Variants in HDAC7 observed in about 807,000 individuals in gnomAD.
HDAC7 encodes histone deacetylase 7A.
In HDAC7, 26 loss-of-function variants were observed where a neutral mutation model predicts 115.5. The observed-to-expected ratio is 0.23, with a 90% CI of 0.16 to 0.31. The LOEUF (loss-of-function observed/expected upper bound fraction) is 0.31, where lower values mean the gene tolerates loss of function less well. Among genes scored for constraint, HDAC7 ranks in the 10% least tolerant of loss-of-function variants. The pLI, the probability that HDAC7 is intolerant of heterozygous loss-of-function variation, is 1.00. For synonymous variants in HDAC7, 564 were observed against 550.9 expected, an observed-to-expected ratio of 1.02 and a Z score of -0.33; for missense variants, 1,068 against 1,329.0, an observed-to-expected ratio of 0.80 and a Z score of 3.05.
At position 47,795,755 on chromosome 12, in the gene HDAC7, GGTCACT is replaced by G. The variant is rs1943789747; in HGVS notation, c.913_918del (p.Ser305_Asp306del). On this transcript the variant is annotated inframe_deletion, in exon 10 of 26. Transcript: ENST00000080059. The surrounding 1 kb of genome is among the most constrained non-coding windows in gnomAD (Gnocchi z 4.3). ...GGGCCCAGAGTCGGATGGGTCCTGC[GGTCACT>G]GTCAGCCTGGGGGAGAGGCGGGAGA... 1 of 1,536,196 alleles carries G rather than the reference GGTCACT, an allele frequency of 6.5e-7. No homozygotes were observed. The highest frequency in any genetic ancestry group is 1.4e-5 in the African/African-American group (1 of 72,748).
At chr12:47,785,336 C>A in intron 24 of HDAC7, 51 bp downstream of exon 24, 1 of 1,495,938 alleles carries the variant, frequency 6.7e-7, no homozygotes, top group Admixed American at 2.0e-5. Flanking sequence ...GGCAGGGTAC[C>A]ACCAAGATCC....
At chr12:47,808,319 C>T (rs1411277548) in intron 1 of HDAC7, among the ~76,000 whole-genome samples, 1 of 151,968 alleles carries the variant, frequency 6.6e-6, no homozygotes, top group Non-Finnish European at 1.5e-5. Context: ...GCCAGTGTCG[C>T]CCCCCCACCC....
chr12:47,790,273 C>T (rs956247921), intron 16 of HDAC7: 14 of 277,508 alleles, frequency 5.0e-5, no homozygotes, highest in African/African-American at 2.2e-4. Flanking sequence ...TCAGGCCCTG[C>T]GGGACGGTCG....
At chr12:47,789,415 G>T in intron 18 of HDAC7, 67 bp from the exon 19 acceptor site, 1 of 1,578,720 alleles carries the variant, frequency 6.3e-7, no homozygotes. Flanking sequence ...AGGCCCCTGG[G>T]TTGGCCCAGC....
At chr12:47,819,308 G>A (rs1362659741) in intron 1 of HDAC7, 1 of 152,472 alleles carries the variant, frequency 6.6e-6, no homozygotes, top group Non-Finnish European at 1.5e-5. Flanking sequence ...CCAACTCAGT[G>A]GGTCCTGCCC....
At chr12:47,792,906 A>T (rs149125192) in intron 13 of HDAC7, 1 of 323,880 alleles carries the variant, frequency 3.1e-6, no homozygotes, top group Non-Finnish European at 6.1e-6. Flanking sequence ...GTACATGTAC[A>T]TATGGCCAGA....
intron 1 of HDAC7, chr12:47,817,699 C>T (rs1944888162): frequency 6.6e-6 from 1 of 152,284 alleles, no homozygotes; most frequent in African/African-American, 2.4e-5. Flanking sequence ...CTTGCATTAG[C>T]TCACCTTCTC....
chr12:47,786,124 G>T, intron 22 of HDAC7: 1 of 508,786 alleles, frequency 2.0e-6, no homozygotes, highest in African/African-American at 2.0e-5. Context: ...TGGCAGCAAG[G>T]TAGGACCTGA....
At position 47,796,270 on chromosome 12, in the gene HDAC7, G is replaced by A. The variant is rs143116152; in HGVS notation, c.732C>T (p.Pro244=). The change falls in exon 8 of 26, where the codon CCC becomes CCT. Residue 244 remains proline (P), a synonymous_variant. Transcript: ENST00000080059. ...CATTGGGGGAGCTGCACCCTGATGC[G>A]GGCGTGCTGCTACTACTTGGGGAGG... ...GDSSPSSSST[P]ASGCSSPNDS... 8.8e-6 allele frequency: 14 copies of A among 1,597,544 alleles called. No individual in the cohort carries two copies. Among genetic ancestry groups the A allele is most frequent in the Middle Eastern group, 1.7e-4 (1 of 5,988 alleles).
chr12:47,797,514 C>A lies in HDAC7; in HGVS notation c.462-15G>T. The A allele has an allele frequency of 1.3e-6, 2 of 1,588,914 alleles. No individual in the cohort carries two copies. Among genetic ancestry groups the A allele is most frequent in the Non-Finnish European group, 1.7e-6 (2 of 1,162,686 alleles). On this transcript the variant is annotated splice_polypyrimidine_tract_variant and intron_variant, in intron 5 of 25. Coordinates refer to ENST00000080059, the MANE Select transcript of HDAC7 (RefSeq NM_015401.5). The surrounding 1 kb of genome is among the most constrained non-coding windows in gnomAD (Gnocchi z 5.5). ...GCTCCAGGGTTCTACAGAACGAGTG[C>A]CAAGGCTGCTTCAGAGGTGTGGGGA...
chr12:47,814,525 A>C (rs973670706), intron 1 of HDAC7, among the ~76,000 whole-genome samples: 2 of 152,220 alleles, frequency 1.3e-5, no homozygotes, highest in Non-Finnish European at 2.9e-5. Flanking sequence ...CAGTATGGCC[A>C]CAGGGCCCTG....
intron 1 of HDAC7, among the ~76,000 whole-genome samples, chr12:47,807,442 C>T (rs985617014): frequency 6.6e-6 from 1 of 152,086 alleles, no homozygotes; most frequent in African/African-American, 2.4e-5. Context: ...TACGCTGAGG[C>T]CCAGCAGTAT....
intron 19 of HDAC7, chr12:47,788,933 TTA>T: frequency 3.2e-6 from 1 of 308,960 alleles, no homozygotes; most frequent in Non-Finnish European, 6.1e-6. Flanking sequence ...TTATCTGCTA[TTA>T]TTCTTATCAT....
At chr12:47,791,802 C>T in intron 14 of HDAC7, 69 bp downstream of exon 14, 1 of 1,286,786 alleles carries the variant, frequency 7.8e-7, no homozygotes, top group East Asian at 2.7e-5. Context: ...GGCCCCAGGG[C>T]CCCCCACCCC....
intron 1 of HDAC7, among the ~76,000 whole-genome samples, chr12:47,812,241 T>C (rs1195852443): frequency 6.6e-6 from 1 of 152,194 alleles, no homozygotes; most frequent in Non-Finnish European, 1.5e-5. Context: ...GTCCACCCTA[T>C]GACTTCTGGC....
At chr12:47,809,090 G>C (rs576404010) in intron 1 of HDAC7, among the ~76,000 whole-genome samples, 1 of 152,292 alleles carries the variant, frequency 6.6e-6, no homozygotes, top group East Asian at 1.9e-4. Context: ...ACTTAGACCA[G>C]TTGCTCCTTT....
rs1217546692 is a variant in HDAC7 at position 47,785,900 on chromosome 12, G to A, written c.2573-15C>T. 2.5e-6 allele frequency: 4 copies of A among 1,575,226 alleles called. No homozygotes were observed. Among genetic ancestry groups the A allele is most frequent in the South Asian group, 1.2e-5 (1 of 86,062 alleles). On this transcript the variant is annotated splice_polypyrimidine_tract_variant and intron_variant, in intron 22 of 25. Coordinates refer to ENST00000080059, the MANE Select transcript of HDAC7 (RefSeq NM_015401.5). The stretch of plus-strand genomic sequence containing the variant: ...GTATCCAAAACCTAGAGGTTGGGAG[G>A]GGAGAAATGGGAGGGGCGGGAGTGG...
Position 47,795,804 on chromosome 12 carries a change from T to C in HDAC7, c.907-37A>G, listed in dbSNP as rs770888006. On this transcript the variant is annotated intron_variant, in intron 9 of 25. Transcript: ENST00000080059. The surrounding 1 kb of genome is among the most constrained non-coding windows in gnomAD (Gnocchi z 4.3). ...GCGGGAGAAGTCACGGGGAAGAAGA[T>C]TCCAGCAGAGAACAATGAAGATGAT... 7 of 1,517,672 alleles carry C rather than the reference T, an allele frequency of 4.6e-6. No homozygotes were observed. The South Asian group carries it at 8.8e-5, about 19-fold the overall frequency. 94.0% of individuals were successfully genotyped at this position (1,517,672 alleles called of 1,614,324 possible). A position where few individuals can be genotyped will look rare whatever the true frequency, so the allele number is the denominator to read the frequency against.
At chr12:47,820,766 A>G (rs1265643580), upstream of HDAC7, among the ~76,000 whole-genome samples, 1 of 148,818 alleles carries the variant, frequency 6.7e-6, no homozygotes, top group Non-Finnish European at 1.5e-5. The surrounding 1 kb of genome is among the most constrained non-coding windows in gnomAD (Gnocchi z 4.3). Context: ...AACTTCAGCA[A>G]TGTGCCCAGT....
Sources: allele counts gnomAD v4.1 joint callset (sites outside exome capture counted in the v4.1 genomes callset), GRCh38; gene constraint gnomAD v4.1.1; non-coding constraint Gnocchi (gnomAD v3.1); transcripts MANE v1.5; gene names NCBI Gene and HGNC (gene_info 2026-07-23, HGNC 2026-07-21).